Variants in GCNT1 observed in about 807,000 individuals in gnomAD.
The protein encoded by GCNT1 is glucosaminyl (N-acetyl) transferase 1, also known as beta-1,3-galactosyl-O-glycosyl-glycoprotein beta-1,6-N-acetylglucosaminyltransferase.
In GCNT1, 16 loss-of-function variants were observed where a neutral mutation model predicts 26.2. The ratio of observed to expected loss-of-function variants is 0.61; its 90% CI spans 0.41 to 0.93. The LOEUF (loss-of-function observed/expected upper bound fraction) is 0.93, where lower values mean the gene tolerates loss of function less well. Among genes scored for constraint, GCNT1 ranks in the 40% least tolerant of loss-of-function variants. The probability of loss-of-function intolerance (pLI) is 0.00; values close to 1 mark genes in which losing one functional copy is unlikely to be tolerated. For missense variants in GCNT1, 477 were observed against 526.7 expected (o/e 0.91, Z 0.92); for synonymous variants, 183 against 190.8 (o/e 0.96, Z 0.34).
intron 2 of GCNT1, among the ~76,000 whole-genome samples, chr9:76,495,478 G>T (rs1219235244): frequency 2.0e-5 from 3 of 152,212 alleles, no homozygotes; most frequent in Admixed American, 6.5e-5. Flanking sequence ...ACCAGAGCAG[G>T]TTGCCGCTGC....
chr9:76,397,522 C>T, the GCNT1 span, among the ~76,000 whole-genome samples: 1 of 151,204 alleles, frequency 6.6e-6, no homozygotes, highest in Non-Finnish European at 1.5e-5. Context: ...CGGCTCACTG[C>T]AACCTCCACC....
intron 1 of GCNT1, among the ~76,000 whole-genome samples, chr9:76,428,302 A>AAAAAAAG (rs1222053703): frequency 2.7e-5 from 4 of 149,328 alleles, no homozygotes; most frequent in Non-Finnish European, 4.5e-5. Flanking sequence ...TAAAAAAAAA[A>AAAAAAAG]AGAGAGAGAG....
the GCNT1 span, among the ~76,000 whole-genome samples, chr9:76,412,219 GAAGCATACAT>G: frequency 7.1e-3 from 1,087 of 152,248 alleles, 6 homozygotes; most frequent in Non-Finnish European, 0.011. Context: ...TTAGTGAGCA[GAAGCATACAT>G]AAGCATAAGT....
At chr9:76,425,232 T>A in intron 1 of GCNT1, among the ~76,000 whole-genome samples, 1 of 151,934 alleles carries the variant, frequency 6.6e-6, no homozygotes, top group Non-Finnish European at 1.5e-5. Context: ...TATTTTAATT[T>A]ATTTTTTCAG....
intron 1 of GCNT1, among the ~76,000 whole-genome samples, chr9:76,422,105 T>G (rs535552858): frequency 1.1e-4 from 16 of 152,094 alleles, no homozygotes; most frequent in African/African-American, 3.6e-4. Flanking sequence ...ACCATCAGAT[T>G]TCATGAGAAC....
Position 76,504,913 on chromosome 9 carries a change from AT to A in GCNT1, c.*1256del, listed in dbSNP as rs574601319. 0.045 allele frequency: 11,646 copies of A among 257,142 alleles called. No homozygotes were observed. Among genetic ancestry groups the A allele is most frequent in the East Asian group, 0.069 (884 of 12,766 alleles). 15.9% of individuals were successfully genotyped at this position (257,142 alleles called of 1,614,324 possible). A position where few individuals can be genotyped will look rare whatever the true frequency, so the allele number is the denominator to read the frequency against. ...GGAGGGAACTTTGGGTTTGGGACAG[AT>A]TTTTTTTTTTGTTTTTGGTATCATT... On this transcript the variant is annotated 3_prime_UTR_variant, in exon 4 of 4. Transcript: ENST00000376730.
At chr9:76,495,041 T>A (rs1824866328) in intron 2 of GCNT1, among the ~76,000 whole-genome samples, 1 of 152,098 alleles carries the variant, frequency 6.6e-6, no homozygotes, top group Non-Finnish European at 1.5e-5. Flanking sequence ...GCCGCACTAG[T>A]CGCTTTTAAC....
the GCNT1 span, among the ~76,000 whole-genome samples, chr9:76,395,083 C>T: frequency 2.6e-5 from 4 of 152,128 alleles, no homozygotes; most frequent in African/African-American, 9.7e-5. Flanking sequence ...TCCAGGCTGT[C>T]TTCTTGACAA....
the GCNT1 span, among the ~76,000 whole-genome samples, chr9:76,395,695 A>G: frequency 3.9e-5 from 6 of 152,198 alleles, no homozygotes; most frequent in Non-Finnish European, 8.8e-5. Flanking sequence ...GACCCAAAGA[A>G]GCAATTATGG....
chr9:76,424,329 A>G (rs1204853603), intron 1 of GCNT1, among the ~76,000 whole-genome samples: 4 of 152,188 alleles, frequency 2.6e-5, no homozygotes, highest in African/African-American at 7.2e-5. Context: ...TAGGGGAAAA[A>G]AAGTTGTTTC....
chr9:76,399,143 A>G, the GCNT1 span: 2 of 1,490,686 alleles, frequency 1.3e-6, no homozygotes, highest in Admixed American at 1.7e-5. Context: ...TGCTCTGTGT[A>G]ACACAGATTC....
In GCNT1 at chr9:76,502,408, A is replaced by C. The variant is rs1297227350; in HGVS notation, c.27A>C (p.Arg9Ser). MLRTLLRR[R>S]LFSYPTKYYF... is the part of the protein sequence containing the mutation. ...TGCTGAGGACGTTGCTGCGAAGGAGACTTTTTTCTTATCCCACCAAATACT... is the reference window on the plus strand; with the variant it reads ...TGCTGAGGACGTTGCTGCGAAGGAGCCTTTTTTCTTATCCCACCAAATACT... Residue 9 changes from arginine (R) to serine (S), a missense_variant, in exon 4 of 4, where the codon AGA becomes AGC. Transcript: ENST00000376730. 1.9e-6 allele frequency: 3 copies of C among 1,612,372 alleles called. No homozygotes were observed. The highest frequency in any genetic ancestry group is 1.3e-5 in the African/African-American group (1 of 74,760).
chr9:76,431,880 G>A (rs1232821465), intron 1 of GCNT1, among the ~76,000 whole-genome samples: 3 of 152,128 alleles, frequency 2.0e-5, no homozygotes, highest in African/African-American at 7.2e-5. Context: ...GAGGCGAGGT[G>A]GATGGATCAA....
Position 76,506,916 on chromosome 9 carries a change from A to C in GCNT1, c.*3248A>C, listed in dbSNP as rs919108172. ...TTCAGAAAAATAAAAATAATTTCTC[A>C]TATTAAATACAGACGCTCCTCAACT... On this transcript the variant is annotated 3_prime_UTR_variant, in exon 4 of 4. Coordinates refer to ENST00000376730, the MANE Select transcript of GCNT1 (RefSeq NM_001490.5). The C allele has an allele frequency of 1.2e-5, 2 of 167,064 alleles. No homozygotes were observed. The highest frequency in any genetic ancestry group is 4.8e-5 in the African/African-American group (2 of 41,448). 10.3% of individuals were successfully genotyped at this position (167,064 alleles called of 1,614,324 possible).
the GCNT1 span, among the ~76,000 whole-genome samples, chr9:76,401,972 T>A: frequency 2.0e-5 from 3 of 152,168 alleles, no homozygotes; most frequent in African/African-American, 4.8e-5. Context: ...TCTCTGGAGG[T>A]GGCAAATTGT....
chr9:76,422,062 G>A (rs1823203522), intron 1 of GCNT1, among the ~76,000 whole-genome samples: 1 of 152,144 alleles, frequency 6.6e-6, no homozygotes, highest in South Asian at 2.1e-4. Flanking sequence ...GAGAGAATGA[G>A]TGCAAGAAGG....
chr9:76,453,044 T>C (rs2131588191), intron 1 of GCNT1, among the ~76,000 whole-genome samples: 1 of 152,380 alleles, frequency 6.6e-6, no homozygotes, highest in African/African-American at 2.4e-5. Context: ...AATTCCCATG[T>C]GGCTCTGCCT....
the GCNT1 span, among the ~76,000 whole-genome samples, chr9:76,406,216 ACAT>A: frequency 6.6e-6 from 1 of 152,154 alleles, no homozygotes. Flanking sequence ...TTATTTAAAA[ACAT>A]CAGACCAGAT....
At position 76,502,963 on chromosome 9, in the gene GCNT1, G is replaced by A. The variant is rs71509884; in HGVS notation, c.582G>A (p.Gln194=). 6.2e-7 allele frequency: 1 copy of A among 1,613,090 alleles called. No individual in the cohort carries two copies. The highest frequency in any genetic ancestry group is 8.5e-7 in the Non-Finnish European group (1 of 1,179,972). The change falls in exon 4 of 4, where the codon CAG becomes CAA. Residue 194 remains glutamine, a synonymous_variant. Coordinates refer to ENST00000376730, the MANE Select transcript of GCNT1 (RefSeq NM_001490.5). The part of the protein sequence containing the change: ...SVVYASWSRV[Q]ADLNCMKDLY... ...TTTATGCATCGTGGAGCCGGGTTCA[G>A]GCTGACCTCAACTGCATGAAGGATC...
Sources: allele counts gnomAD v4.1 joint callset (sites outside exome capture counted in the v4.1 genomes callset), GRCh38; gene constraint gnomAD v4.1.1; transcripts MANE v1.5; gene names NCBI Gene and HGNC (gene_info 2026-07-23, HGNC 2026-07-21).